FOXP2: variants seen among roughly 807,000 people sequenced by gnomAD.
FOXP2 encodes the protein forkhead box protein P2.
FOXP2 carries 12 observed loss-of-function variants against 115.8 expected under a neutral mutation model. The ratio of observed to expected loss-of-function variants is 0.10; its 90% CI spans 0.07 to 0.17. FOXP2 has a LOEUF of 0.17. Ranked by LOEUF, FOXP2 falls within the 10% of genes least tolerant of loss-of-function variation. The pLI, the probability that FOXP2 is intolerant of heterozygous loss-of-function variation, is 1.00. For synonymous variants in FOXP2, 328 were observed against 297.7 expected, an observed-to-expected ratio of 1.10 and a Z score of -1.05; for missense variants, 629 against 843.5, an observed-to-expected ratio of 0.75 and a Z score of 3.15.
At chr7:114,452,495 C>A (rs1795115723) in intron 2 of FOXP2, among the ~76,000 whole-genome samples, 1 of 151,954 alleles carries the variant, frequency 6.6e-6, no homozygotes, top group Non-Finnish European at 1.5e-5. Context: ...GCTCATGATA[C>A]CTTTTTAGAG....
At chr7:114,683,627 A>G (rs577754573) in intron 16 of FOXP2, among the ~76,000 whole-genome samples, 1 of 152,334 alleles carries the variant, frequency 6.6e-6, no homozygotes, top group South Asian at 2.1e-4. Context: ...TTTAGGAAGT[A>G]GACACAGTGT....
At chr7:114,452,634 C>T (rs1795121271) in intron 2 of FOXP2, among the ~76,000 whole-genome samples, 1 of 152,014 alleles carries the variant, frequency 6.6e-6, no homozygotes, top group Non-Finnish European at 1.5e-5. Context: ...GCTTTCTGGT[C>T]TTTCACAGTG....
At chr7:114,099,202 A>G (rs1320259932) in intron 1 of FOXP2, among the ~76,000 whole-genome samples, 1 of 152,140 alleles carries the variant, frequency 6.6e-6, no homozygotes, top group Non-Finnish European at 1.5e-5. Context: ...AATCAGATTA[A>G]AAAATAACAA....
intron 1 of FOXP2, among the ~76,000 whole-genome samples, chr7:114,254,124 C>T (rs1446057672): frequency 6.6e-6 from 1 of 152,164 alleles, no homozygotes; most frequent in African/African-American, 2.4e-5. Flanking sequence ...ATTGGCCCCC[C>T]ACTCTCTTCT....
chr7:114,288,649 TTGAG>T (rs1193596702), intron 2 of FOXP2, among the ~76,000 whole-genome samples: 1 of 151,752 alleles, frequency 6.6e-6, no homozygotes, highest in African/African-American at 2.4e-5. Context: ...TTTTTTAATG[TTGAG>T]TATCTTTAAA....
At chr7:114,482,516 G>A (rs188487638) in intron 2 of FOXP2, among the ~76,000 whole-genome samples, 1 of 151,442 alleles carries the variant, frequency 6.6e-6, no homozygotes, top group East Asian at 1.9e-4. Context: ...TGACAACAAG[G>A]TATGTCTTTA....
chr7:114,663,148 G>GTTCT (rs1806967180), intron 14 of FOXP2, among the ~76,000 whole-genome samples: 1 of 152,144 alleles, frequency 6.6e-6, no homozygotes, highest in East Asian at 1.9e-4. Flanking sequence ...GAATGTTGCT[G>GTTCT]TTCTTGCAAA....
Position 114,587,879 on chromosome 7 carries a change from A to ATATATATATAAAGGTGCC in FOXP2, c.259-40661_259-40660insTATATATATAAAGGTGCC. On this transcript the variant is annotated intron_variant, in intron 3 of 16. Coordinates refer to ENST00000350908, the MANE Select transcript of FOXP2 (RefSeq NM_014491.4). ...CTAATTGGGTGAATAAGAGATAATT[A>ATATATATATAAAGGTGCC]AATCCACCTTTCTTAGTGCCTTATT... 1.6e-4 allele frequency among the ~76,000 whole-genome samples: 12 copies of ATATATATATAAAGGTGCC among 76,798 alleles called. 4 individuals are homozygous for ATATATATATAAAGGTGCC. Among genetic ancestry groups the ATATATATATAAAGGTGCC allele is most frequent in the African/African-American group, 1.9e-4 (5 of 25,924 alleles). 50.4% of individuals were successfully genotyped at this position (76,798 alleles called of 152,430 possible).
At chr7:114,359,962 A>C (rs1451348521) in intron 2 of FOXP2, among the ~76,000 whole-genome samples, 1 of 152,136 alleles carries the variant, frequency 6.6e-6, no homozygotes, top group African/African-American at 2.4e-5. Flanking sequence ...ATGTGAGGAC[A>C]TGAGATTTGG....
intron 3 of FOXP2, among the ~76,000 whole-genome samples, chr7:114,569,199 A>C (rs1801170574): frequency 6.6e-6 from 1 of 151,958 alleles, no homozygotes; most frequent in African/African-American, 2.4e-5. Context: ...ATAGCAGTCC[A>C]AAAATCGTGT....
At chr7:114,589,361 AG>A (rs1456780854) in intron 3 of FOXP2, among the ~76,000 whole-genome samples, 1 of 152,230 alleles carries the variant, frequency 6.6e-6, no homozygotes, top group Non-Finnish European at 1.5e-5. Flanking sequence ...TTAAAAAAAA[AG>A]CTTCTCCCTT....
chr7:114,415,331 G>C lies in FOXP2; in HGVS notation c.-40G>C, dbSNP rs181397562. The C allele has an allele frequency of 6.6e-6, 3 of 452,264 alleles. No homozygotes were observed. Among genetic ancestry groups the C allele is most frequent in the South Asian group, 3.1e-5 (2 of 64,104 alleles). The allele number at this position is 452,264 out of a possible 1,614,324, so 28.0% of individuals were successfully genotyped here. ...AACAAACTCCTATGAAGTTGAAACC[G>C]GGAAGTTTGCTCTAACATTTCCAGA... On this transcript the variant is annotated 5_prime_UTR_variant, in exon 1 of 17. Transcript: ENST00000350908.
In FOXP2 at chr7:114,691,577, G is replaced by A. The variant is rs1312484229; in HGVS notation, c.*1651G>A. ...ATGAGTTATGATGTAGTTGAAAATAGCATAGTCAGATGTTTGCTTAAAACC... is the reference window on the plus strand; with the variant it reads ...ATGAGTTATGATGTAGTTGAAAATAACATAGTCAGATGTTTGCTTAAAACC... On this transcript the variant is annotated 3_prime_UTR_variant, in exon 17 of 17. Transcript: ENST00000350908. 2.2e-6 allele frequency: 1 copy of A among 453,792 alleles called. No homozygotes were observed. The highest frequency in any genetic ancestry group is 2.0e-5 in the African/African-American group (1 of 49,958). The allele number at this position is 453,792 out of a possible 1,614,324, so 28.1% of individuals were successfully genotyped here. A position where few individuals can be genotyped will look rare whatever the true frequency, so the allele number is the denominator to read the frequency against.
intron 2 of FOXP2, among the ~76,000 whole-genome samples, chr7:114,354,870 A>G (rs952202039): frequency 2.0e-5 from 3 of 152,214 alleles, no homozygotes; most frequent in African/African-American, 7.2e-5. Context: ...TTTTGGACAG[A>G]GTATGTATAA....
At chr7:114,486,402 T>G (rs1293142093) in intron 2 of FOXP2, among the ~76,000 whole-genome samples, 3 of 152,024 alleles carry the variant, frequency 2.0e-5, no homozygotes, top group Non-Finnish European at 2.9e-5. Context: ...CCCACAACAC[T>G]TGGGGATTAT....
At chr7:114,594,130 A>G (rs995517424) in intron 3 of FOXP2, among the ~76,000 whole-genome samples, 3 of 152,080 alleles carry the variant, frequency 2.0e-5, no homozygotes, top group Non-Finnish European at 4.4e-5. Context: ...GGCCTGTTTT[A>G]ACCATATATA....
intron 1 of FOXP2, among the ~76,000 whole-genome samples, chr7:114,123,096 TTC>T (rs1333623221): frequency 2.6e-5 from 4 of 151,960 alleles, no homozygotes; most frequent in African/African-American, 9.7e-5. Context: ...AATGCCTATA[TTC>T]CCAGCACTTG....
chr7:114,436,989 A>G (rs528587163), intron 2 of FOXP2, among the ~76,000 whole-genome samples: 12 of 152,334 alleles, frequency 7.9e-5, no homozygotes, highest in African/African-American at 2.9e-4. Flanking sequence ...GGTAGTTTCT[A>G]CAAATGATCC....
chr7:114,446,501 G>C (rs527433407), intron 2 of FOXP2, among the ~76,000 whole-genome samples: 30 of 151,440 alleles, frequency 2.0e-4, no homozygotes, highest in African/African-American at 6.8e-4. Context: ...TAACACAATG[G>C]GTAATGTAAA....
Sources: gnomAD v4.1 joint callset for allele counts (sites outside exome capture counted in the v4.1 genomes callset) on GRCh38, gnomAD v4.1.1 for gene constraint, MANE v1.5 for transcripts, NCBI Gene and HGNC (gene_info 2026-07-23, HGNC 2026-07-21) for gene names.